ARHGAP24: variants seen among roughly 807,000 people sequenced by gnomAD.
The protein encoded by ARHGAP24 is rho GTPase-activating protein 24.
Under a neutral mutation model 76.4 loss-of-function variants are expected in ARHGAP24, and 50 were observed. That is an observed-to-expected ratio of 0.65 (90% confidence interval 0.52 to 0.83). The LOEUF (loss-of-function observed/expected upper bound fraction) is 0.83, where lower values mean the gene tolerates loss of function less well. Among genes scored for constraint, ARHGAP24 ranks in the 40% least tolerant of loss-of-function variants. The pLI is 0.00. For synonymous variants in ARHGAP24, 345 were observed against 323.3 expected (o/e 1.07, Z -0.72); for missense variants, 930 against 914.2 (o/e 1.02, Z -0.22).
chr4:85,906,866 G>A (rs915853262), intron 3 of ARHGAP24, among the ~76,000 whole-genome samples: 1 of 152,088 alleles, frequency 6.6e-6, no homozygotes, highest in African/African-American at 2.4e-5. Flanking sequence ...CATATCTTAG[G>A]CGGATTCCTC....
At chr4:85,882,418 T>G (rs971381701) in intron 3 of ARHGAP24, among the ~76,000 whole-genome samples, 1 of 152,124 alleles carries the variant, frequency 6.6e-6, no homozygotes, top group African/African-American at 2.4e-5. Context: ...ATGGAAAAAG[T>G]TCATTCTAGA....
intron 1 of ARHGAP24, among the ~76,000 whole-genome samples, chr4:85,488,913 C>T (rs147493950): frequency 2.4e-3 from 364 of 152,126 alleles, no homozygotes; most frequent in African/African-American, 8.3e-3. Context: ...TTAGATTAAC[C>T]CTAAAGGCAG....
intron 2 of ARHGAP24, among the ~76,000 whole-genome samples, chr4:85,601,015 C>T (rs1023918503): frequency 1.3e-4 from 20 of 152,156 alleles, no homozygotes; most frequent in Admixed American, 2.0e-4. Context: ...AAAGAATATA[C>T]TCAGTTTTGT....
rs1024609130 is a variant in ARHGAP24, at chr4:85,849,695, A to G, written c.269-73953A>G. ...TTTATTGAAGGCCTTTTCTGCGTCT[A>G]TTGAGATAATCATGTGGTTTTTGTC... is the stretch of plus-strand genomic sequence containing the variant. On this transcript the variant is annotated intron_variant, in intron 3 of 9. Coordinates refer to ENST00000395184, the MANE Select transcript of ARHGAP24 (RefSeq NM_001025616.3). Among the ~76,000 whole-genome samples the G allele has an allele frequency of 3.9e-5, 6 of 152,246 alleles. No individual in the cohort carries two copies. The East Asian group carries it at 1.2e-3, about 29-fold the overall frequency.
chr4:85,597,086 C>T (rs1311396478), intron 2 of ARHGAP24, among the ~76,000 whole-genome samples: 1 of 152,052 alleles, frequency 6.6e-6, no homozygotes, highest in Non-Finnish European at 1.5e-5. Flanking sequence ...TTTCAGTTTT[C>T]ATTATTATCC....
At chr4:85,559,878 TTGC>T (rs1411336199) in intron 1 of ARHGAP24, among the ~76,000 whole-genome samples, 1 of 152,236 alleles carries the variant, frequency 6.6e-6, no homozygotes, top group Non-Finnish European at 1.5e-5. Flanking sequence ...TCAGATGCCA[TTGC>T]TTTTGGAAAA....
At chr4:85,576,950 G>A (rs1045418425) in intron 2 of ARHGAP24, among the ~76,000 whole-genome samples, 1 of 151,862 alleles carries the variant, frequency 6.6e-6, no homozygotes, top group African/African-American at 2.4e-5. Flanking sequence ...TGTATAATGA[G>A]ATTATGATAG....
intron 3 of ARHGAP24, among the ~76,000 whole-genome samples, chr4:85,804,969 T>C (rs1728728265): frequency 6.6e-6 from 1 of 152,196 alleles, no homozygotes; most frequent in Admixed American, 6.5e-5. Context: ...CTTCTATTTC[T>C]CTTTCCTTTA....
At chr4:85,724,444 A>G (rs1017223532) in intron 3 of ARHGAP24, among the ~76,000 whole-genome samples, 3 of 150,274 alleles carry the variant, frequency 2.0e-5, no homozygotes, top group Non-Finnish European at 1.5e-5. Flanking sequence ...TTACGAATAC[A>G]GTTTATCCAT....
At chr4:85,609,944 A>T (rs549149829) in intron 2 of ARHGAP24, among the ~76,000 whole-genome samples, 2 of 152,280 alleles carry the variant, frequency 1.3e-5, no homozygotes, top group Non-Finnish European at 2.9e-5. Context: ...TCCAGTTTAA[A>T]TGCTATTAAA....
At chr4:85,562,609 A>G (rs916949897) in intron 1 of ARHGAP24, among the ~76,000 whole-genome samples, 9 of 152,126 alleles carry the variant, frequency 5.9e-5, no homozygotes, top group African/African-American at 2.2e-4. Flanking sequence ...GTGCTTCCAT[A>G]TTCCACTTGC....
chr4:85,544,922 G>C (rs1725856386), intron 1 of ARHGAP24, among the ~76,000 whole-genome samples: 1 of 149,444 alleles, frequency 6.7e-6, no homozygotes, highest in African/African-American at 2.6e-5. Flanking sequence ...CTTGGGGTTT[G>C]ATTTGCATGA....
intron 1 of ARHGAP24, among the ~76,000 whole-genome samples, chr4:85,485,588 T>C (rs1232126223): frequency 6.6e-6 from 1 of 151,300 alleles, no homozygotes; most frequent in East Asian, 1.9e-4. Context: ...TGGTATTAAT[T>C]AGTGCCTGAG....
chr4:85,487,809 A>C (rs1235672443), intron 1 of ARHGAP24, among the ~76,000 whole-genome samples: 1 of 115,442 alleles, frequency 8.7e-6, no homozygotes, highest in Non-Finnish European at 1.6e-5. Context: ...TATTTATTAC[A>C]TATTATATAA....
chr4:85,760,605 C>G (rs1414876963), intron 3 of ARHGAP24, among the ~76,000 whole-genome samples: 2 of 152,270 alleles, frequency 1.3e-5, no homozygotes, highest in East Asian at 1.9e-4. Context: ...AAGTCTGTGA[C>G]ACTTACCTTT....
intron 3 of ARHGAP24, among the ~76,000 whole-genome samples, chr4:85,831,026 C>T (rs552321365): frequency 2.6e-5 from 4 of 152,318 alleles, no homozygotes; most frequent in African/African-American, 9.6e-5. Flanking sequence ...TGGCCCCTGC[C>T]ACAGGAGGTA....
Position 86,000,673 on chromosome 4 carries a change from C to G in ARHGAP24, c.2198C>G (p.Thr733Arg), listed in dbSNP as rs201979237. 45 of 1,613,926 alleles carry G rather than the reference C, an allele frequency of 2.8e-5. No homozygotes were observed. In the Admixed American group the frequency reaches 6.7e-4, roughly 24 times the overall value. ...EQFFSTFGEL[T>R]VEPRRTERGN... ...TTTTTTTCCACGTTTGGAGAACTGA[C>G]AGTGGAACCCAGGAGAACCGAGAGA... The change falls in exon 10 of 10, where the codon ACA becomes AGA. Residue 733 changes from threonine (T) to arginine (R), a missense_variant. By Grantham distance (71) the Thr-to-Arg change is moderately conservative. Coordinates refer to ENST00000395184, the MANE Select transcript of ARHGAP24 (RefSeq NM_001025616.3).
chr4:85,949,991 G>A (rs1251318777), intron 5 of ARHGAP24, among the ~76,000 whole-genome samples: 3 of 152,266 alleles, frequency 2.0e-5, no homozygotes, highest in African/African-American at 7.2e-5. Context: ...AAAGTAATGA[G>A]GGTGACATGC....
chr4:85,874,446 C>T (rs1732709663), intron 3 of ARHGAP24, among the ~76,000 whole-genome samples: 1 of 152,030 alleles, frequency 6.6e-6, no homozygotes, highest in African/African-American at 2.4e-5. Flanking sequence ...TCTTAAAATT[C>T]CTTAATAAGC....
Sources: gnomAD v4.1 joint callset for allele counts (sites outside exome capture counted in the v4.1 genomes callset) on GRCh38, gnomAD v4.1.1 for gene constraint, MANE v1.5 for transcripts, NCBI Gene and HGNC (gene_info 2026-07-23, HGNC 2026-07-21) for gene names.